Variants in HS6ST3 observed in about 807,000 individuals in gnomAD.
The protein encoded by HS6ST3 is heparan sulfate 6-O-sulfotransferase 3.
HS6ST3 carries 12 observed loss-of-function variants against 36.7 expected under a neutral mutation model. The ratio of observed to expected loss-of-function variants is 0.33; its 90% CI spans 0.21 to 0.53. The LOEUF (loss-of-function observed/expected upper bound fraction) is 0.53, where lower values mean the gene tolerates loss of function less well. Among genes scored for constraint, HS6ST3 ranks in the 20% least tolerant of loss-of-function variants. HS6ST3 has a pLI of 0.95. For synonymous variants in HS6ST3, 240 were observed against 257.5 expected (o/e 0.93, Z 0.65); for missense variants, 584 against 640.9 (o/e 0.91, Z 0.96).
intron 1 of HS6ST3, among the ~76,000 whole-genome samples, chr13:96,779,267 A>G (rs1463215127): frequency 2.0e-5 from 3 of 151,848 alleles, no homozygotes; most frequent in South Asian, 2.1e-4. Context: ...ATGTATACCT[A>G]TGTAACAAAC....
At chr13:96,263,395 A>G (rs1239678202) in intron 1 of HS6ST3, among the ~76,000 whole-genome samples, 1 of 152,240 alleles carries the variant, frequency 6.6e-6, no homozygotes, top group Non-Finnish European at 1.5e-5. Context: ...CGTATTCTAC[A>G]GTTGACTTAA....
intron 1 of HS6ST3, among the ~76,000 whole-genome samples, chr13:96,335,591 C>A (rs2055096659): frequency 6.6e-6 from 1 of 152,176 alleles, no homozygotes; most frequent in African/African-American, 2.4e-5. Flanking sequence ...TGAATGTTTC[C>A]ATGGCAATTC....
chr13:96,441,578 T>TA (rs1331991387), intron 1 of HS6ST3, among the ~76,000 whole-genome samples: 3 of 152,046 alleles, frequency 2.0e-5, no homozygotes, highest in Admixed American at 6.5e-5. Context: ...AAACTAATCT[T>TA]AAAGGAAGCA....
At chr13:96,217,073 G>A (rs1033927951) in intron 1 of HS6ST3, among the ~76,000 whole-genome samples, 1 of 152,066 alleles carries the variant, frequency 6.6e-6, no homozygotes, top group African/African-American at 2.4e-5. Flanking sequence ...CTCCTTCTTC[G>A]ATCCAATGGC....
At chr13:96,553,063 G>T (rs965749661) in intron 1 of HS6ST3, among the ~76,000 whole-genome samples, 7 of 152,180 alleles carry the variant, frequency 4.6e-5, no homozygotes, top group South Asian at 2.1e-4. Context: ...CCTCCCTGGG[G>T]TGTGGGACCT....
chr13:96,488,523 A>T (rs2138903603), intron 1 of HS6ST3, among the ~76,000 whole-genome samples: 1 of 152,180 alleles, frequency 6.6e-6, no homozygotes, highest in African/African-American at 2.4e-5. Context: ...CTTATGTCAT[A>T]ACTTCTGATT....
chr13:96,545,959 C>T (rs1243173412), intron 1 of HS6ST3, among the ~76,000 whole-genome samples: 2 of 152,082 alleles, frequency 1.3e-5, no homozygotes, highest in Non-Finnish European at 2.9e-5. Flanking sequence ...GGGTCTAGCA[C>T]AGTGCCTGGC....
intron 1 of HS6ST3, among the ~76,000 whole-genome samples, chr13:96,122,277 T>C (rs2053929675): frequency 6.6e-6 from 1 of 152,006 alleles, no homozygotes; most frequent in Non-Finnish European, 1.5e-5. Context: ...TGCTTAGCTA[T>C]ATATATTTAC....
chr13:96,832,222 A>G (rs1456685393), intron 1 of HS6ST3, among the ~76,000 whole-genome samples: 1 of 152,190 alleles, frequency 6.6e-6, no homozygotes, highest in Non-Finnish European at 1.5e-5. Context: ...GAACGAATGA[A>G]TGAATGAACT....
intron 1 of HS6ST3, among the ~76,000 whole-genome samples, chr13:96,665,227 G>A (rs1165640224): frequency 6.6e-6 from 1 of 152,054 alleles, no homozygotes; most frequent in Non-Finnish European, 1.5e-5. Context: ...CCAACCCAAA[G>A]CTTCTTCATT....
chr13:96,808,807 C>T (rs1054151690), intron 1 of HS6ST3, among the ~76,000 whole-genome samples: 1 of 152,074 alleles, frequency 6.6e-6, no homozygotes, highest in South Asian at 2.1e-4. Flanking sequence ...GATTAAGAAG[C>T]GGGAACTTTT....
chr13:96,357,230 G>C (rs1371284988), intron 1 of HS6ST3, among the ~76,000 whole-genome samples: 2 of 152,130 alleles, frequency 1.3e-5, no homozygotes, highest in African/African-American at 4.8e-5. Context: ...TTTGTCAATT[G>C]TGTGTCCACT....
At chr13:96,640,079 A>G (rs770735182) in intron 1 of HS6ST3, among the ~76,000 whole-genome samples, 1 of 151,972 alleles carries the variant, frequency 6.6e-6, no homozygotes, top group Non-Finnish European at 1.5e-5. Context: ...GGGGGGGTAT[A>G]TACTCAGTAA....
chr13:96,490,783 T>C (rs1671513990), intron 1 of HS6ST3, among the ~76,000 whole-genome samples: 1 of 152,184 alleles, frequency 6.6e-6, no homozygotes, highest in South Asian at 2.1e-4. Flanking sequence ...TGCAGGGTAG[T>C]AGGCAAACTT....
intron 1 of HS6ST3, among the ~76,000 whole-genome samples, chr13:96,152,957 G>A (rs537287122): frequency 1.3e-5 from 2 of 152,142 alleles, no homozygotes; most frequent in Non-Finnish European, 2.9e-5. Flanking sequence ...CACGCTGTTC[G>A]CATTCATTGA....
chr13:96,118,622 C>A (rs1482528934), intron 1 of HS6ST3, among the ~76,000 whole-genome samples: 2 of 110,284 alleles, frequency 1.8e-5, no homozygotes, highest in Non-Finnish European at 3.5e-5. Context: ...TGTGTTCTAT[C>A]AATACTAATT....
intron 1 of HS6ST3, among the ~76,000 whole-genome samples, chr13:96,256,645 A>G (rs954109100): frequency 1.3e-5 from 2 of 152,172 alleles, no homozygotes; most frequent in African/African-American, 4.8e-5. Context: ...TTTATTTGTT[A>G]GATTTTCTCT....
intron 1 of HS6ST3, among the ~76,000 whole-genome samples, chr13:96,508,455 A>G (rs1175003952): frequency 6.6e-6 from 1 of 151,950 alleles, no homozygotes; most frequent in African/African-American, 2.4e-5. Context: ...GAATTCCGAA[A>G]TTTTAGGGCA....
rs2139288866 is a variant in HS6ST3 at position 96,090,832 on chromosome 13, C to T, written c.-31C>T. ...GTCCGCCCTGCCGCCGCCGCCGCCG[C>T]CGCTTCGCCTGCCGGCCTGAGAGCG... is the stretch of plus-strand genomic sequence containing the variant. On this transcript the variant is annotated 5_prime_UTR_variant, in exon 1 of 2. Coordinates refer to ENST00000376705, the MANE Select transcript of HS6ST3 (RefSeq NM_153456.4). 6.8e-7 allele frequency: 1 copy of T among 1,468,108 alleles called. No individual in the cohort carries two copies. The highest frequency in any genetic ancestry group is 1.3e-5 in the South Asian group (1 of 77,028). 90.9% of individuals were successfully genotyped at this position (1,468,108 alleles called of 1,614,324 possible).
Sources: gnomAD v4.1 joint callset for allele counts (sites outside exome capture counted in the v4.1 genomes callset) on GRCh38, gnomAD v4.1.1 for gene constraint, MANE v1.5 for transcripts, NCBI Gene and HGNC (gene_info 2026-07-23, HGNC 2026-07-21) for gene names.